The following SNAP91 variants were observed in gnomAD, a reference collection of about 807,000 sequenced individuals.
SNAP91 encodes the protein synaptosome associated protein 91.
Under a neutral mutation model 100.3 loss-of-function variants are expected in SNAP91, and 27 were observed. That is an observed-to-expected ratio of 0.27 (90% CI 0.20 to 0.37). The LOEUF (loss-of-function observed/expected upper bound fraction) is 0.37, where lower values mean the gene tolerates loss of function less well. Among genes scored for constraint, SNAP91 ranks in the 10% least tolerant of loss-of-function variants. The pLI, the probability that SNAP91 is intolerant of heterozygous loss-of-function variation, is 1.00. For synonymous variants in SNAP91, 404 were observed against 398.6 expected, an observed-to-expected ratio of 1.01 and a Z score of -0.16; for missense variants, 986 against 1,123.7, an observed-to-expected ratio of 0.88 and a Z score of 1.75.
intron 7 of SNAP91, among the ~76,000 whole-genome samples, chr6:83,655,170 C>A (rs769554666): frequency 4.6e-5 from 7 of 152,130 alleles, no homozygotes; most frequent in African/African-American, 7.2e-5. Flanking sequence ...TTTCTAAGGG[C>A]CCCAAAGACT....
chr6:83,678,778 T>C, intron 2 of SNAP91: 1 of 1,289,264 alleles, frequency 7.8e-7, no homozygotes, highest in Non-Finnish European at 1.0e-6. Context: ...AAAGCCTTAC[T>C]GTTATTATTC....
At chr6:83,690,653 G>A (rs185673948) in intron 2 of SNAP91, among the ~76,000 whole-genome samples, 1 of 152,160 alleles carries the variant, frequency 6.6e-6, no homozygotes, top group African/African-American at 2.4e-5. Context: ...CAAGAGAGAG[G>A]TAAGTCTTAT....
At chr6:83,635,063 G>T (rs1245503698) in intron 8 of SNAP91, among the ~76,000 whole-genome samples, 1 of 152,276 alleles carries the variant, frequency 6.6e-6, no homozygotes, top group Non-Finnish European at 1.5e-5. Flanking sequence ...CTGAGCATGT[G>T]GTGGATCTTA....
chr6:83,556,493 G>C (rs1370148125), intron 28 of SNAP91, among the ~76,000 whole-genome samples: 1 of 152,044 alleles, frequency 6.6e-6, no homozygotes, highest in African/African-American at 2.4e-5. Context: ...TAGTCACAGA[G>C]TTGTGTTTAA....
intron 11 of SNAP91, among the ~76,000 whole-genome samples, chr6:83,614,070 A>G (rs2096324154): frequency 6.6e-6 from 1 of 152,182 alleles, no homozygotes; most frequent in African/African-American, 2.4e-5. Flanking sequence ...TGTCAAATAG[A>G]ATATTTTGTT....
chr6:83,674,832 T>G (rs1035501098), intron 2 of SNAP91, among the ~76,000 whole-genome samples: 1 of 152,182 alleles, frequency 6.6e-6, no homozygotes, highest in African/African-American at 2.4e-5. Context: ...ATTATGCATA[T>G]AGAAGTTCTG....
At chr6:83,567,635 A>C (rs947393778) in intron 26 of SNAP91, among the ~76,000 whole-genome samples, 1 of 152,216 alleles carries the variant, frequency 6.6e-6, no homozygotes, top group Admixed American at 6.5e-5. Flanking sequence ...ATCCTCAAAG[A>C]ACTCAAACAA....
At chr6:83,653,875 G>A (rs1290797321) in intron 7 of SNAP91, among the ~76,000 whole-genome samples, 1 of 152,076 alleles carries the variant, frequency 6.6e-6, no homozygotes, top group Non-Finnish European at 1.5e-5. Flanking sequence ...GATGTAGTGG[G>A]CTGGAGTTGG....
intron 28 of SNAP91, among the ~76,000 whole-genome samples, chr6:83,559,333 AAGCTCAGGTGAGCTTGCGATACTGC>A (rs1381189088): frequency 6.6e-6 from 1 of 152,184 alleles, no homozygotes; most frequent in Non-Finnish European, 1.5e-5. Context: ...CTGGATGCTG[AAGCTCAGGTGAGCTTGCGATACTGC>A]ATGTGTACTG....
intron 28 of SNAP91, among the ~76,000 whole-genome samples, chr6:83,559,550 C>T (rs112850788): frequency 9.0e-4 from 137 of 152,298 alleles, no homozygotes; most frequent in Middle Eastern, 3.4e-3. Context: ...TTCTAGGAAA[C>T]TATCTAACCT....
At chr6:83,576,845 T>C (rs1819597368) in intron 24 of SNAP91, among the ~76,000 whole-genome samples, 1 of 152,220 alleles carries the variant, frequency 6.6e-6, no homozygotes, top group Admixed American at 6.5e-5. Flanking sequence ...TATCAATTCA[T>C]TTATTACTTC....
At chr6:83,616,532 T>C (rs989920833) in intron 10 of SNAP91, among the ~76,000 whole-genome samples, 1 of 152,148 alleles carries the variant, frequency 6.6e-6, no homozygotes, top group African/African-American at 2.4e-5. Context: ...AGTAGGGAGA[T>C]ACTGGAGTCC....
At chr6:83,622,007 AG>A (rs2128405097) in intron 9 of SNAP91, among the ~76,000 whole-genome samples, 1 of 152,238 alleles carries the variant, frequency 6.6e-6, no homozygotes, top group Non-Finnish European at 1.5e-5. Context: ...TTTTAATTAT[AG>A]TGTTACAAAG....
intron 2 of SNAP91, among the ~76,000 whole-genome samples, chr6:83,702,956 C>T (rs960325524): frequency 6.6e-6 from 1 of 152,140 alleles, no homozygotes; most frequent in African/African-American, 2.4e-5. Context: ...CTTCTCTCCC[C>T]TCCTAGGACA....
chr6:83,613,923 T>C (rs976799774), intron 11 of SNAP91, among the ~76,000 whole-genome samples: 8 of 152,182 alleles, frequency 5.3e-5, no homozygotes, highest in African/African-American at 1.9e-4. Context: ...AAACAAGGCA[T>C]TAAGGTAATT....
intron 5 of SNAP91, 43 bp downstream of exon 5, chr6:83,661,459 G>A: frequency 8.0e-7 from 1 of 1,249,618 alleles, no homozygotes; most frequent in Non-Finnish European, 1.1e-6. Flanking sequence ...ATGCCTCAAA[G>A]ACTTATTCTC....
chr6:83,594,331 T>C, intron 17 of SNAP91, 43 bp downstream of exon 17: 3 of 1,462,372 alleles, frequency 2.1e-6, no homozygotes, highest in Non-Finnish European at 2.8e-6. Context: ...GGTTTTACAT[T>C]AGGACAGAAG....
chr6:83,618,906 A>C (rs1225101376), intron 9 of SNAP91, among the ~76,000 whole-genome samples: 1 of 152,056 alleles, frequency 6.6e-6, no homozygotes, highest in Non-Finnish European at 1.5e-5. Flanking sequence ...GTCTAAGAAA[A>C]ATGCTATTTT....
intron 6 of SNAP91, among the ~76,000 whole-genome samples, chr6:83,657,637 G>A (rs1327302807): frequency 6.6e-6 from 1 of 152,172 alleles, no homozygotes; most frequent in African/African-American, 2.4e-5. Context: ...AATCTTAACA[G>A]AGATGCTAAG....
Sources: gnomAD v4.1 joint callset for allele counts (sites outside exome capture counted in the v4.1 genomes callset) on GRCh38, gnomAD v4.1.1 for gene constraint, MANE v1.5 for transcripts, NCBI Gene and HGNC (gene_info 2026-07-23, HGNC 2026-07-21) for gene names.